Variants in ADAMTS9 observed in about 807,000 individuals in gnomAD.
The protein encoded by ADAMTS9 is A disintegrin and metalloproteinase with thrombospondin motifs 9.
A neutral mutation model predicts 257.1 loss-of-function variants in ADAMTS9; 107 were observed. The observed-to-expected ratio is 0.42, with a 90% CI of 0.36 to 0.49. ADAMTS9 has a LOEUF of 0.49. Ranked by LOEUF, ADAMTS9 falls within the 20% of genes least tolerant of loss-of-function variation. The probability of loss-of-function intolerance (pLI) is 0.03; values close to 1 mark genes in which losing one functional copy is unlikely to be tolerated. For missense variants in ADAMTS9, 2,353 were observed against 2,469.1 expected (o/e 0.95, Z 1.00); for synonymous variants, 982 against 880.9 (o/e 1.11, Z -2.03).
In ADAMTS9 at chr3:64,648,063, T is replaced by A. The variant is rs1388680926; in HGVS notation, c.1606-19A>T. ...ACTGCATCTGCTCAATTCAATGAAA[T>A]GGCAATTGAGTGACAAGTGATTTAT... On this transcript the variant is annotated intron_variant, in intron 10 of 39. Coordinates refer to ENST00000498707, the MANE Select transcript of ADAMTS9 (RefSeq NM_182920.2). The A allele has an allele frequency of 6.3e-7, 1 of 1,591,440 alleles. No individual in the cohort carries two copies. Among genetic ancestry groups the A allele is most frequent in the Non-Finnish European group, 8.6e-7 (1 of 1,169,092 alleles).
chr3:64,533,259 G>T lies in ADAMTS9; in HGVS notation c.5625C>A (p.Ser1875Arg). 6.2e-7 allele frequency: 1 copy of T among 1,613,924 alleles called. No homozygotes were observed. Residue 1875 changes from serine (S) to arginine (R), a missense_variant, in exon 38 of 40, where the codon AGC (serine) becomes AGA (arginine). Ser to Arg is a moderately radical substitution (Grantham distance 110). This residue lies in a region of ADAMTS9 where 1,402 missense variants were observed against 1,441.4 expected (regional missense o/e 0.97). Coordinates refer to ENST00000498707, the MANE Select transcript of ADAMTS9 (RefSeq NM_182920.2). ...ACAAGCCGGTTCCATAAAGGTTGATGCTAAAACGACCCTGGAAAACACGAC... is the reference window on the plus strand; with the variant it reads ...ACAAGCCGGTTCCATAAAGGTTGATTCTAAAACGACCCTGGAAAACACGAC... ...SAAKCPQGRF[S>R]INLYGTGLSL... is the part of the protein sequence containing the mutation.
chr3:64,641,447 T>C (rs1700637646), intron 12 of ADAMTS9, among the ~76,000 whole-genome samples: 1 of 149,202 alleles, frequency 6.7e-6, no homozygotes, highest in Admixed American at 6.7e-5. Context: ...ATTAGGTATA[T>C]CTCCTAATGC....
At position 64,658,779 on chromosome 3, in the gene ADAMTS9, C is replaced by T. The variant is rs200850124; in HGVS notation, c.692G>A (p.Arg231Lys). Residue 231 changes from arginine (R) to lysine (K), a missense_variant, in exon 4 of 40, where the codon AGG becomes AAG. Transcript: ENST00000498707. ...GGTTTTCTTCTTGTCTTTACTGTGC[C>T]TATTTTTGTGTTCTGTAACAAATCA... ...HACDTSEHKN[R>K]HSKDKKKTRA... The T allele has an allele frequency of 2.5e-6, 4 of 1,612,800 alleles. No individual in the cohort carries two copies. In the South Asian group the frequency reaches 3.3e-5, roughly 13 times the overall value.
intron 37 of ADAMTS9, among the ~76,000 whole-genome samples, chr3:64,538,700 G>A (rs549394019): frequency 6.6e-6 from 1 of 152,222 alleles, no homozygotes; most frequent in South Asian, 2.1e-4. Context: ...TGCTTGAACT[G>A]GCTTTTGAGA....
At position 64,602,018 on chromosome 3, in the gene ADAMTS9, G is replaced by C. The variant is rs565531401; in HGVS notation, c.3943C>G (p.Arg1315Gly). 3 of 1,614,004 alleles carry C rather than the reference G, an allele frequency of 1.9e-6. No individual in the cohort carries two copies. Among genetic ancestry groups the C allele is most frequent in the South Asian group, 1.1e-5 (1 of 91,060 alleles). ...CGGCTGGGGCTGGCGCTCCGGGGAC[G>C]ATAGTCCTCATTTTGGAAGGGGTGC... ...AQHPFQNEDY[R>G]PRSASPSRTH... is the part of the protein sequence containing the mutation. The change falls in exon 26 of 40, where the codon CGT becomes GGT. Residue 1315 changes from arginine (R) to glycine (G), a missense_variant. This residue lies in a region of ADAMTS9 where 1,402 missense variants were observed against 1,441.4 expected (regional missense o/e 0.97). Transcript: ENST00000498707.
At chr3:64,610,317 A>T (rs540268770) in intron 22 of ADAMTS9, among the ~76,000 whole-genome samples, 16 of 152,326 alleles carry the variant, frequency 1.1e-4, no homozygotes, top group African/African-American at 3.8e-4. Context: ...TAAAAAGGCA[A>T]CACAGGGGAT....
intron 16 of ADAMTS9, among the ~76,000 whole-genome samples, chr3:64,627,571 T>C (rs554954273): frequency 3.6e-4 from 54 of 152,068 alleles, no homozygotes; most frequent in Non-Finnish European, 6.0e-4. Context: ...GAGGAAGGGG[T>C]CCATGTGAAA....
chr3:64,553,217 C>T (rs1025673277), intron 30 of ADAMTS9, among the ~76,000 whole-genome samples: 1 of 152,154 alleles, frequency 6.6e-6, no homozygotes, highest in African/African-American at 2.4e-5. Flanking sequence ...CCATTCCTTC[C>T]TTCCTGTAGC....
At chr3:64,533,089 C>T in intron 38 of ADAMTS9, 77 bp downstream of exon 38, 1 of 1,339,058 alleles carries the variant, frequency 7.5e-7, no homozygotes. Context: ...TCCTTCAGCA[C>T]CACTACCACA....
intron 12 of ADAMTS9, among the ~76,000 whole-genome samples, chr3:64,634,201 C>A (rs915570150): frequency 6.6e-6 from 1 of 152,096 alleles, no homozygotes; most frequent in Non-Finnish European, 1.5e-5. Context: ...GAATCTGAAT[C>A]TATTAGGCCA....
intron 8 of ADAMTS9, among the ~76,000 whole-genome samples, chr3:64,653,674 C>A (rs1169004227): frequency 1.3e-5 from 2 of 152,102 alleles, no homozygotes; most frequent in African/African-American, 4.8e-5. Flanking sequence ...ATTTAATCAT[C>A]CTAGAAAGAA....
intron 12 of ADAMTS9, among the ~76,000 whole-genome samples, chr3:64,639,824 A>T (rs1700595131): frequency 1.3e-5 from 2 of 152,182 alleles, no homozygotes; most frequent in South Asian, 4.1e-4. Context: ...TTTAAAAAGC[A>T]GTACCAGCCT....
Position 64,658,840 on chromosome 3 carries a change from TATATTA to T in ADAMTS9, c.680-55_680-50del, listed in dbSNP as rs1242698655. The T allele has an allele frequency of 2.6e-6, 4 of 1,529,414 alleles. No individual in the cohort carries two copies. The African/African-American group carries it at 4.2e-5, about 16-fold the overall frequency. The allele number at this position is 1,529,414 out of a possible 1,614,324, so 94.7% of individuals were successfully genotyped here. The stretch of plus-strand genomic sequence containing the variant: ...ATTACATTTCAAGCCACATCTATTT[TATATTA>T]AGAATTTAATTTGACACATTTTAAA... On this transcript the variant is annotated intron_variant, in intron 3 of 39. Coordinates refer to ENST00000498707, the MANE Select transcript of ADAMTS9 (RefSeq NM_182920.2).
chr3:64,661,338 C>A (rs1180514333), intron 3 of ADAMTS9, among the ~76,000 whole-genome samples: 1 of 152,096 alleles, frequency 6.6e-6, no homozygotes, highest in Non-Finnish European at 1.5e-5. Context: ...ATACCAGGAC[C>A]AAATCAATTG....
intron 3 of ADAMTS9, among the ~76,000 whole-genome samples, chr3:64,663,556 T>A (rs895598275): frequency 6.6e-6 from 1 of 151,010 alleles, no homozygotes; most frequent in Admixed American, 6.6e-5. Context: ...TGCAGATGAA[T>A]CAAGGCCATA....
intron 2 of ADAMTS9, chr3:64,685,153 TGG>T (rs1701865707): frequency 6.6e-6 from 1 of 152,236 alleles, no homozygotes; most frequent in Non-Finnish European, 1.5e-5. Context: ...GGCGCTTTGC[TGG>T]GGGCTAAAGG....
At chr3:64,647,883 C>T (rs1700835827) in intron 11 of ADAMTS9, 57 bp downstream of exon 11, 1 of 1,508,590 alleles carries the variant, frequency 6.6e-7, no homozygotes, top group Non-Finnish European at 9.0e-7. Flanking sequence ...GATCATACAC[C>T]CAAAATCTTG....
chr3:64,588,233 T>G (rs1221925023), intron 28 of ADAMTS9: 1 of 152,176 alleles, frequency 6.6e-6, no homozygotes, highest in Admixed American at 6.6e-5. Context: ...TTTATGGTGG[T>G]GGCGAAGCTG....
At chr3:64,685,789 C>A (rs1701888811) in intron 2 of ADAMTS9, among the ~76,000 whole-genome samples, 1 of 152,122 alleles carries the variant, frequency 6.6e-6, no homozygotes, top group African/African-American at 2.4e-5. Flanking sequence ...GTAGTAGAAA[C>A]CCCAGAGGAA....
Sources: allele counts gnomAD v4.1 joint callset (sites outside exome capture counted in the v4.1 genomes callset), GRCh38; gene constraint gnomAD v4.1.1; regional missense constraint gnomAD v4.1.1; transcripts MANE v1.5; gene names NCBI Gene and HGNC (gene_info 2026-07-23, HGNC 2026-07-21).